The following KDM3A variants were observed in gnomAD, a reference collection of about 807,000 sequenced individuals.
KDM3A encodes lysine demethylase 3A.
KDM3A carries 60 observed loss-of-function variants against 158.0 expected under a neutral mutation model. The observed-to-expected ratio is 0.38, with a 90% CI of 0.31 to 0.47. The LOEUF (loss-of-function observed/expected upper bound fraction) is 0.47. Ranked by LOEUF, KDM3A falls within the 20% of genes least tolerant of loss-of-function variation. The pLI is 0.99. For synonymous variants in KDM3A, 608 were observed against 549.3 expected (o/e 1.11, Z -1.49); for missense variants, 1,319 against 1,574.3 (o/e 0.84, Z 2.74).
chr2:86,482,161 GT>G (rs1673961934), intron 17 of KDM3A, 59 bp downstream of exon 17: 1 of 1,551,930 alleles, frequency 6.4e-7, no homozygotes, highest in Non-Finnish European at 8.9e-7. Flanking sequence ...CAGGAAGAGA[GT>G]AGAGAAGTTG....
At chr2:86,478,477 C>A in intron 14 of KDM3A, 131 bp from the exon 15 acceptor site, 1 of 1,096,884 alleles carries the variant, frequency 9.1e-7, no homozygotes, top group Non-Finnish European at 1.3e-6. Context: ...TGGGGAAGGC[C>A]TCTGGAGCAG....
rs1466111414 is a variant in KDM3A, at chr2:86,489,513, G to T, written c.3434-7G>T. ...GGTCTGATATCTGCTTTCTCTTCTT[G>T]CTCTAGAAGTCCTTAAGACCATCCA... On this transcript the variant is annotated splice_region_variant and splice_polypyrimidine_tract_variant and intron_variant, in intron 22 of 25. Transcript: ENST00000312912. 18 of 1,611,494 alleles carry T rather than the reference G, an allele frequency of 1.1e-5. No homozygotes were observed. Among genetic ancestry groups the T allele is most frequent in the Non-Finnish European group, 1.4e-5 (16 of 1,179,012 alleles).
chr2:86,483,875 G>A (rs747184517), intron 18 of KDM3A, 112 bp from the exon 19 acceptor site: 85 of 862,218 alleles, frequency 9.9e-5, no homozygotes, highest in Admixed American at 1.3e-4. Context: ...CATCTGAGAC[G>A]GAGCACCAGC....
At chr2:86,457,408 T>C (rs1672751696) in intron 8 of KDM3A, among the ~76,000 whole-genome samples, 1 of 152,206 alleles carries the variant, frequency 6.6e-6, no homozygotes, top group African/African-American at 2.4e-5. Flanking sequence ...CTGCTGAGAT[T>C]ACAGTCATGA....
At chr2:86,452,078 G>A (rs1034264967) in intron 4 of KDM3A, among the ~76,000 whole-genome samples, 2 of 152,156 alleles carry the variant, frequency 1.3e-5, no homozygotes, top group African/African-American at 4.8e-5. Context: ...AATTTGAGTT[G>A]CATGATGCAG....
At chr2:86,442,470 G>C (rs184393332) in intron 2 of KDM3A, 1 of 442,628 alleles carries the variant, frequency 2.3e-6, no homozygotes, top group Admixed American at 4.0e-5. Flanking sequence ...GTTCAGACAC[G>C]CTTCATTAAT....
upstream of KDM3A, chr2:86,441,103 C>G (rs1682675509): frequency 6.6e-6 from 1 of 152,172 alleles, no homozygotes; most frequent in African/African-American, 2.4e-5. Context: ...AAAGAATAGG[C>G]CTATGGCGGA....
In KDM3A at chr2:86,480,365, G is replaced by A; in HGVS notation, c.2512+3G>A. The A allele has an allele frequency of 6.2e-7, 1 of 1,607,724 alleles. No individual in the cohort carries two copies. Among genetic ancestry groups the A allele is most frequent in the South Asian group, 1.1e-5 (1 of 90,880 alleles). ...GAATGTCAACAAGGAAAACAAGGGT[G>A]AGTGTTTCCTGCTTTTGTGTTTGTT... is the stretch of plus-strand genomic sequence containing the variant. On this transcript the variant is annotated splice_donor_region_variant and intron_variant, in intron 16 of 25. Coordinates refer to ENST00000312912, the MANE Select transcript of KDM3A (RefSeq NM_018433.6).
At chr2:86,439,867 C>G (rs375283544), upstream of KDM3A, among the ~76,000 whole-genome samples, 3 of 152,104 alleles carry the variant, frequency 2.0e-5, no homozygotes, top group African/African-American at 7.2e-5. Context: ...TTTCATTTGG[C>G]TACCATTTGA....
rs537980682 is a variant in KDM3A at position 86,455,108 on chromosome 2, T to C, written c.477T>C (p.Ser159=). The C allele has an allele frequency of 1.3e-6, 2 of 1,597,368 alleles. No homozygotes were observed. Among genetic ancestry groups the C allele is most frequent in the South Asian group, 2.3e-5 (2 of 88,710 alleles). ...AGGATGTAAACAGTCTTCGACTTTC[T>C]CTTACGGATAATCAGATTGTCAGTA... The part of the protein sequence containing the change: ...PIQDVNSLRL[S]LTDNQIVSKE... Residue 159 remains serine (S), a synonymous_variant, in exon 5 of 26, where the codon TCT becomes TCC. Coordinates refer to ENST00000312912, the MANE Select transcript of KDM3A (RefSeq NM_018433.6).
chr2:86,449,769 G>C (rs747307099), intron 2 of KDM3A, 38 bp from the exon 3 acceptor site: 5 of 1,565,872 alleles, frequency 3.2e-6, no homozygotes, highest in Middle Eastern at 1.7e-4. Flanking sequence ...TTAATAAATT[G>C]AATCTGCTTC....
chr2:86,452,635 C>T (rs374498741), intron 4 of KDM3A, among the ~76,000 whole-genome samples: 96 of 152,084 alleles, frequency 6.3e-4, no homozygotes, highest in African/African-American at 1.7e-3. Flanking sequence ...TCTTCTTTAC[C>T]GCCTTCTGTT....
upstream of KDM3A, among the ~76,000 whole-genome samples, chr2:86,437,923 A>G (rs553416662): frequency 3.3e-4 from 50 of 152,106 alleles, no homozygotes; most frequent in African/African-American, 1.1e-3. Flanking sequence ...TTTATCTACA[A>G]ATGTTTTGGG....
At chr2:86,464,613 A>G (rs1185395621) in intron 9 of KDM3A, among the ~76,000 whole-genome samples, 4 of 152,248 alleles carry the variant, frequency 2.6e-5, no homozygotes, top group African/African-American at 9.6e-5. Flanking sequence ...TGACCCAAGT[A>G]TAGTTGAGAA....
chr2:86,449,224 T>C (rs1316848972), intron 2 of KDM3A, among the ~76,000 whole-genome samples: 1 of 152,236 alleles, frequency 6.6e-6, no homozygotes, highest in East Asian at 1.9e-4. Context: ...CGTTTCTATG[T>C]TATCCAACAA....
intron 22 of KDM3A, 22 bp from the exon 23 acceptor site, chr2:86,489,498 C>T: frequency 6.2e-7 from 1 of 1,611,528 alleles, no homozygotes; most frequent in Non-Finnish European, 8.5e-7. Context: ...GGTCTGATAT[C>T]TGCTTTCTCT....
intron 5 of KDM3A, 131 bp downstream of exon 5, chr2:86,455,318 C>G (rs1387484942): frequency 3.4e-6 from 2 of 580,094 alleles, no homozygotes; most frequent in Admixed American, 3.8e-5. Context: ...TTGAGACAGT[C>G]TAGTTCCTAG....
chr2:86,462,778 A>G (rs1417424282), intron 8 of KDM3A, among the ~76,000 whole-genome samples: 5 of 152,170 alleles, frequency 3.3e-5, no homozygotes, highest in African/African-American at 1.2e-4. Context: ...ACATATAAAT[A>G]TATTCGAAAT....
intron 17 of KDM3A, 134 bp downstream of exon 17, chr2:86,482,236 A>C (rs1375500644): frequency 1.7e-6 from 2 of 1,193,028 alleles, no homozygotes; most frequent in African/African-American, 1.5e-5. Context: ...AGGCTGAGTC[A>C]CTGGAGGATG....
Sources: allele counts gnomAD v4.1 joint callset (sites outside exome capture counted in the v4.1 genomes callset), GRCh38; gene constraint gnomAD v4.1.1; transcripts MANE v1.5; gene names NCBI Gene and HGNC (gene_info 2026-07-23, HGNC 2026-07-21).